The following AMPH variants were observed in gnomAD, a reference collection of about 807,000 sequenced individuals.
The protein encoded by AMPH is amphiphysin, also known as amphiphysin (Stiff-Mann syndrome with breast cancer 128kD autoantigen).
A neutral mutation model predicts 99.1 loss-of-function variants in AMPH; 49 were observed. That is an observed-to-expected ratio of 0.49 (90% CI 0.39 to 0.63). The LOEUF is 0.63. AMPH is among the 20% of genes least tolerant of loss of function. The probability of loss-of-function intolerance (pLI) is 0.00; values close to 1 mark genes in which losing one functional copy is unlikely to be tolerated. For missense variants in AMPH, 759 were observed against 863.4 expected, an observed-to-expected ratio of 0.88 and a Z score of 1.52; for synonymous variants, 314 against 317.3, an observed-to-expected ratio of 0.99 and a Z score of 0.11.
chr7:38,448,096 A>G (rs1016625355), intron 11 of AMPH, among the ~76,000 whole-genome samples: 20 of 152,210 alleles, frequency 1.3e-4, no homozygotes, highest in African/African-American at 4.8e-4. Flanking sequence ...AATTTCTAAC[A>G]GTGAGTAAAG....
At chr7:38,489,722 T>C (rs977804781) in intron 5 of AMPH, among the ~76,000 whole-genome samples, 11 of 152,052 alleles carry the variant, frequency 7.2e-5, no homozygotes, top group African/African-American at 2.2e-4. Flanking sequence ...TGGACTAGAA[T>C]AGACATTTCT....
intron 1 of AMPH, among the ~76,000 whole-genome samples, chr7:38,608,939 T>G (rs1169380803): frequency 6.6e-6 from 1 of 152,218 alleles, no homozygotes; most frequent in Non-Finnish European, 1.5e-5. Flanking sequence ...CTAGTGTCTT[T>G]TTGTTGCTAT....
chr7:38,440,360 GACAA>G (rs1273962831), intron 11 of AMPH, among the ~76,000 whole-genome samples: 4 of 152,018 alleles, frequency 2.6e-5, no homozygotes, highest in African/African-American at 9.7e-5. Flanking sequence ...AAGATTTTCA[GACAA>G]ACAAAATCAG....
chr7:38,601,429 C>T (rs1793244559), intron 1 of AMPH, among the ~76,000 whole-genome samples: 1 of 152,192 alleles, frequency 6.6e-6, no homozygotes, highest in Non-Finnish European at 1.5e-5. Flanking sequence ...TTTCTCTTTG[C>T]TTAATCCAAG....
intron 17 of AMPH, among the ~76,000 whole-genome samples, chr7:38,401,327 A>G (rs567748864): frequency 1.6e-4 from 24 of 152,366 alleles, no homozygotes; most frequent in Middle Eastern, 6.8e-3. Context: ...AAAATTTCAA[A>G]AACATAGAAT....
chr7:38,424,063 A>C (rs192106871), intron 15 of AMPH, among the ~76,000 whole-genome samples: 65 of 152,288 alleles, frequency 4.3e-4, no homozygotes, highest in African/African-American at 1.5e-3. Flanking sequence ...TCAGACTTGA[A>C]CTTCACAGAC....
intron 1 of AMPH, among the ~76,000 whole-genome samples, chr7:38,535,739 C>A (rs1790574171): frequency 6.6e-6 from 1 of 152,136 alleles, no homozygotes; most frequent in Admixed American, 6.5e-5. Context: ...AGCTTGAAAC[C>A]TAGATCTCTC....
intron 13 of AMPH, among the ~76,000 whole-genome samples, chr7:38,431,786 T>A (rs1164772422): frequency 6.6e-6 from 1 of 151,978 alleles, no homozygotes; most frequent in African/African-American, 2.4e-5. Context: ...TTGAATACAA[T>A]CACTTTTTTT....
At chr7:38,488,882 G>T (rs954129675) in intron 5 of AMPH, among the ~76,000 whole-genome samples, 2 of 152,118 alleles carry the variant, frequency 1.3e-5, no homozygotes, top group Non-Finnish European at 2.9e-5. Flanking sequence ...TGGGTGCACA[G>T]ACTGAAAGAC....
At chr7:38,534,330 T>C (rs1477577928) in intron 2 of AMPH, among the ~76,000 whole-genome samples, 2 of 152,262 alleles carry the variant, frequency 1.3e-5, no homozygotes, top group Admixed American at 6.5e-5. Context: ...TTCAATGAAA[T>C]ATAAATCTTC....
chr7:38,580,564 G>C (rs75252299), intron 1 of AMPH, among the ~76,000 whole-genome samples: 2,565 of 152,106 alleles, frequency 0.017, 62 homozygotes, highest in African/African-American at 0.052. Context: ...TGTACGAATG[G>C]ACCAGATTTG....
intron 2 of AMPH, among the ~76,000 whole-genome samples, chr7:38,516,234 T>C (rs916761049): frequency 6.6e-6 from 1 of 152,156 alleles, no homozygotes; most frequent in African/African-American, 2.4e-5. Context: ...TCAGAGACCT[T>C]CTTGGCAGCG....
At chr7:38,527,345 A>C (rs2129037348) in intron 2 of AMPH, among the ~76,000 whole-genome samples, 1 of 152,346 alleles carries the variant, frequency 6.6e-6, no homozygotes, top group East Asian at 1.9e-4. Context: ...ATTTGGTGAC[A>C]ACCAACATGT....
At position 38,523,563 on chromosome 7, in the gene AMPH, C is replaced by T. The variant is rs182332882; in HGVS notation, c.150+11368G>A. 1.9e-4 allele frequency among the ~76,000 whole-genome samples: 29 copies of T among 152,112 alleles called. No homozygotes were observed. In the East Asian group the frequency reaches 4.1e-3, roughly 21 times the overall value. ...TTGGAGGAACTGCACTCCAAAATGA[C>T]GAATAGTAATGTATTATAACCCAGT... On this transcript the variant is annotated intron_variant, in intron 2 of 20. Coordinates refer to ENST00000356264, the MANE Select transcript of AMPH (RefSeq NM_001635.4).
At chr7:38,475,559 T>G (rs754455656) in intron 6 of AMPH, 143 bp from the exon 7 acceptor site, 16 of 596,918 alleles carry the variant, frequency 2.7e-5, no homozygotes, top group Non-Finnish European at 4.4e-5. Flanking sequence ...AGCATATCCT[T>G]GTTTTTCAAT....
rs576643704 is a variant in AMPH, at chr7:38,392,151, G to T, written c.1609-134C>A. 970 of 838,376 alleles carry T rather than the reference G, an allele frequency of 1.2e-3. 1 individual carries two copies. The highest frequency in any genetic ancestry group is 1.5e-3 in the Non-Finnish European group (831 of 545,942). 51.9% of individuals were successfully genotyped at this position (838,376 alleles called of 1,614,324 possible). ...CATACTTCCCCACTAGCCAGACTCA[G>T]GTCTGGGCCTTCCGCTGTGCCACAC... On this transcript the variant is annotated intron_variant, in intron 18 of 20. Transcript: ENST00000356264.
At chr7:38,518,752 G>A (rs1020823350) in intron 2 of AMPH, among the ~76,000 whole-genome samples, 3 of 152,142 alleles carry the variant, frequency 2.0e-5, no homozygotes, top group Admixed American at 6.5e-5. Flanking sequence ...CAGGACTCTG[G>A]ACTTTGAACT....
At chr7:38,571,377 T>C (rs1265596369) in intron 1 of AMPH, among the ~76,000 whole-genome samples, 1 of 102,634 alleles carries the variant, frequency 9.7e-6, no homozygotes, top group East Asian at 2.6e-4. Flanking sequence ...TATATATTTT[T>C]ATATATTTAT....
chr7:38,496,516 C>G (rs1279233715), intron 3 of AMPH, among the ~76,000 whole-genome samples: 1 of 152,142 alleles, frequency 6.6e-6, no homozygotes, highest in African/African-American at 2.4e-5. Flanking sequence ...ACTCAAGACT[C>G]TGGGGACTCT....
Sources: gnomAD v4.1 joint callset for allele counts (sites outside exome capture counted in the v4.1 genomes callset) on GRCh38, gnomAD v4.1.1 for gene constraint, MANE v1.5 for transcripts, NCBI Gene and HGNC (gene_info 2026-07-23, HGNC 2026-07-21) for gene names.